Variants in SMARCAL1 observed in about 807,000 individuals in gnomAD.
SMARCAL1 encodes SNF2 related chromatin remodeling annealing helicase 1.
A neutral mutation model predicts 94.5 loss-of-function variants in SMARCAL1; 58 were observed. That is an observed-to-expected ratio of 0.61 (90% CI 0.50 to 0.76). The LOEUF is 0.76. SMARCAL1 is among the 30% of genes least tolerant of loss of function. SMARCAL1 has a pLI of 0.00. For synonymous variants in SMARCAL1, 422 were observed against 455.1 expected (o/e 0.93, Z 0.93); for missense variants, 1,051 against 1,177.9 (o/e 0.89, Z 1.58).
chr2:216,449,018 A>C (rs1033085), intron 11 of SMARCAL1, among the ~76,000 whole-genome samples: 2 of 152,074 alleles, frequency 1.3e-5, no homozygotes, highest in Non-Finnish European at 2.9e-5. Flanking sequence ...TATTTAGCTC[A>C]TGGTTCTGGA....
chr2:216,461,691 G>T (rs62180599), intron 12 of SMARCAL1, among the ~76,000 whole-genome samples: 4 of 152,062 alleles, frequency 2.6e-5, no homozygotes, highest in African/African-American at 9.7e-5. Context: ...TTAGCTGGGC[G>T]TGGTAGTGTG....
chr2:216,451,366 A>G, intron 12 of SMARCAL1: 1 of 409,310 alleles, frequency 2.4e-6, no homozygotes, highest in South Asian at 2.2e-5. Flanking sequence ...GAATGTGGAA[A>G]TTATGTCTAC....
intron 10 of SMARCAL1, among the ~76,000 whole-genome samples, chr2:216,442,864 C>T (rs1188233313): frequency 6.6e-6 from 1 of 151,948 alleles, no homozygotes; most frequent in Non-Finnish European, 1.5e-5. Flanking sequence ...AAATGCAATC[C>T]CTGTGTGTCT....
At chr2:216,478,080 A>G (rs893796315) in intron 16 of SMARCAL1, 123 bp from the exon 17 acceptor site, 187 of 849,938 alleles carry the variant, frequency 2.2e-4, no homozygotes, top group Non-Finnish European at 3.5e-5. Flanking sequence ...ACCTTGAGAG[A>G]TGCAGAGATG....
intron 12 of SMARCAL1, chr2:216,451,294 A>G (rs1694444967): frequency 3.7e-6 from 2 of 534,280 alleles, no homozygotes; most frequent in Admixed American, 3.0e-5. Context: ...CTGTTGATGG[A>G]TGGCCATAAA....
In SMARCAL1 at chr2:216,415,179, T is replaced by G; in HGVS notation, c.475T>G (p.Phe159Val). Residue 159 changes from phenylalanine to valine, a missense_variant, in exon 3 of 18, where the codon TTT (phenylalanine) becomes GTT (valine). Coordinates refer to ENST00000357276, the MANE Select transcript of SMARCAL1 (RefSeq NM_014140.4). ...TTCACCTGAGATCAGGTTCACACCC[T>G]TTGCTAACCCAACTCATAAGCCTCT... The part of the protein sequence containing the change: ...QASPEIRFTP[F>V]ANPTHKPLAK... The G allele has an allele frequency of 6.2e-7, 1 of 1,613,604 alleles. No individual in the cohort carries two copies. Among genetic ancestry groups the G allele is most frequent in the Non-Finnish European group, 8.5e-7 (1 of 1,179,714 alleles).
At chr2:216,437,580 A>G (rs1694105584) in intron 9 of SMARCAL1, among the ~76,000 whole-genome samples, 1 of 152,180 alleles carries the variant, frequency 6.6e-6, no homozygotes, top group African/African-American at 2.4e-5. Context: ...ATAAGGAATT[A>G]TGATACCCAT....
chr2:216,460,971 A>G (rs1040893492), intron 12 of SMARCAL1, among the ~76,000 whole-genome samples: 4 of 152,182 alleles, frequency 2.6e-5, no homozygotes, highest in African/African-American at 9.7e-5. Flanking sequence ...AAATGTACTG[A>G]AAGAGAAAGT....
In SMARCAL1 at chr2:216,477,214, G is replaced by C. The variant is rs145908212; in HGVS notation, c.2528+5G>C. On this transcript the variant is annotated splice_donor_5th_base_variant and intron_variant, in intron 16 of 17. Coordinates refer to ENST00000357276, the MANE Select transcript of SMARCAL1 (RefSeq NM_014140.4). ...CACAGCTGATGACTACCTTTGGTAT[G>C]GCTTGGTTGGGTGGCCTGGCAGTTG... 382 of 1,575,828 alleles carry C rather than the reference G, an allele frequency of 2.4e-4. 1 individual carries two copies. In the African/African-American group the frequency reaches 4.6e-3, roughly 19 times the overall value.
intron 13 of SMARCAL1, among the ~76,000 whole-genome samples, chr2:216,466,179 C>G (rs996321622): frequency 6.6e-6 from 1 of 152,184 alleles, no homozygotes; most frequent in African/African-American, 2.4e-5. Flanking sequence ...GTGCCTCTCT[C>G]TTCAGATACT....
At chr2:216,431,181 T>C (rs1403480656) in intron 7 of SMARCAL1, among the ~76,000 whole-genome samples, 5 of 152,254 alleles carry the variant, frequency 3.3e-5, no homozygotes, top group Admixed American at 1.3e-4. Flanking sequence ...TGCTGCCCAG[T>C]TTTCCATCTT....
chr2:216,433,863 GCTC>G lies in SMARCAL1; in HGVS notation c.1485+1001_1485+1003del, dbSNP rs142403786. ...ATGAGCCATTCATGCAGAAGAGGCAGCTCCTCCTACTGCCGGTCAGTCCAAGGC... is the reference window on the plus strand; with the variant it reads ...ATGAGCCATTCATGCAGAAGAGGCAGCTCCTACTGCCGGTCAGTCCAAGGC... On this transcript the variant is annotated intron_variant, in intron 8 of 17. Transcript: ENST00000357276. 2.1e-4 allele frequency among the ~76,000 whole-genome samples: 32 copies of G among 151,594 alleles called. No homozygotes were observed. The East Asian group carries it at 5.4e-3, about 26-fold the overall frequency.
chr2:216,473,344 A>G (rs1695006049), intron 14 of SMARCAL1, among the ~76,000 whole-genome samples: 3 of 144,354 alleles, frequency 2.1e-5, no homozygotes, highest in Admixed American at 2.1e-4. Flanking sequence ...GTTCCTTTTT[A>G]GTGTTCACTC....
rs566064339 is a variant in SMARCAL1, at chr2:216,478,098, G to A, written c.2529-105G>A. The A allele has an allele frequency of 6.6e-4, 627 of 948,570 alleles. 4 individuals are homozygous for A. Among genetic ancestry groups the A allele is most frequent in the Middle Eastern group, 5.6e-3 (25 of 4,502 alleles). The allele number at this position is 948,570 out of a possible 1,614,324, so 58.8% of individuals were successfully genotyped here. ...TTGAGAGATGCAGAGATGTGAAACCGTAAACAAGCCGTTGTCCCATAAGAA... is the reference window on the plus strand; with the variant it reads ...TTGAGAGATGCAGAGATGTGAAACCATAAACAAGCCGTTGTCCCATAAGAA... On this transcript the variant is annotated intron_variant, in intron 16 of 17. Transcript: ENST00000357276.
chr2:216,449,324 T>A (rs543979528), intron 11 of SMARCAL1, among the ~76,000 whole-genome samples: 1 of 152,338 alleles, frequency 6.6e-6, no homozygotes, highest in East Asian at 1.9e-4. Context: ...AATTATGATA[T>A]CCACTTGTTC....
chr2:216,446,961 A>G, intron 10 of SMARCAL1, 57 bp from the exon 11 acceptor site: 1 of 1,612,018 alleles, frequency 6.2e-7, no homozygotes, highest in Admixed American at 1.7e-5. Flanking sequence ...GGCATTTTGA[A>G]CATTTCCTGT....
chr2:216,444,979 A>G (rs1215619403), intron 10 of SMARCAL1, among the ~76,000 whole-genome samples: 1 of 152,240 alleles, frequency 6.6e-6, no homozygotes, highest in Non-Finnish European at 1.5e-5. Context: ...TCTGATCCCA[A>G]CAGTGTCTGC....
intron 16 of SMARCAL1, 62 bp from the exon 17 acceptor site, chr2:216,478,141 T>C: frequency 7.4e-7 from 1 of 1,348,542 alleles, no homozygotes; most frequent in East Asian, 2.3e-5. Flanking sequence ...GGTGGCCTCA[T>C]TTTCATTAGT....
At chr2:216,422,668 C>T (rs1375769805) in intron 5 of SMARCAL1, among the ~76,000 whole-genome samples, 1 of 152,212 alleles carries the variant, frequency 6.6e-6, no homozygotes, top group African/African-American at 2.4e-5. Flanking sequence ...CCTGGACGAC[C>T]TCGCTTTTTC....
Sources: allele counts gnomAD v4.1 joint callset (sites outside exome capture counted in the v4.1 genomes callset), GRCh38; gene constraint gnomAD v4.1.1; transcripts MANE v1.5; gene names NCBI Gene and HGNC (gene_info 2026-07-23, HGNC 2026-07-21).